LARGE1: variants seen among roughly 807,000 people sequenced by gnomAD.
LARGE1 encodes the protein xylosyl- and glucuronyltransferase LARGE1.
In LARGE1, 43 loss-of-function variants were observed where a neutral mutation model predicts 87.6. The ratio of observed to expected loss-of-function variants is 0.49; its 90% CI spans 0.38 to 0.63. The LOEUF (loss-of-function observed/expected upper bound fraction) is 0.63, where lower values mean the gene tolerates loss of function less well. Ranked by LOEUF, LARGE1 falls within the 30% of genes least tolerant of loss-of-function variation. LARGE1 has a pLI of 0.00. For missense variants in LARGE1, 802 were observed against 1,000.2 expected (o/e 0.80, Z 2.67); for synonymous variants, 434 against 394.6 (o/e 1.10, Z -1.18).
intron 1 of LARGE1, among the ~76,000 whole-genome samples, chr22:33,776,463 C>T (rs1276418009): frequency 1.3e-5 from 2 of 152,206 alleles, no homozygotes; most frequent in Non-Finnish European, 2.9e-5. Context: ...TGAGGATATA[C>T]ATTCTTCCCA....
At chr22:33,231,074 T>G (rs1925980990) in intron 11 of LARGE1, among the ~76,000 whole-genome samples, 1 of 152,220 alleles carries the variant, frequency 6.6e-6, no homozygotes, top group African/African-American at 2.4e-5. Flanking sequence ...TGGTAAATAT[T>G]GGTTGTTTGT....
chr22:33,379,312 G>A (rs917555903), intron 9 of LARGE1, among the ~76,000 whole-genome samples: 4 of 148,236 alleles, frequency 2.7e-5, no homozygotes, highest in African/African-American at 1.0e-4. Context: ...TGTGCACAAC[G>A]TGCAGGTTTG....
chr22:33,849,592 CTTTTTTTT>C (rs71187287), intron 1 of LARGE1, among the ~76,000 whole-genome samples: 5 of 88,590 alleles, frequency 5.6e-5, no homozygotes, highest in East Asian at 3.1e-4. Flanking sequence ...CTTTTCTTCT[CTTTTTTTT>C]TTTTTTTTTT....
At chr22:33,474,459 G>C (rs959882538) in intron 6 of LARGE1, among the ~76,000 whole-genome samples, 6 of 152,154 alleles carry the variant, frequency 3.9e-5, no homozygotes, top group African/African-American at 1.4e-4. Flanking sequence ...CACTGTGCCC[G>C]GCCTAGTCTG....
chr22:33,549,957 C>A (rs926337949), intron 6 of LARGE1, among the ~76,000 whole-genome samples: 2 of 152,080 alleles, frequency 1.3e-5, no homozygotes, highest in Non-Finnish European at 1.5e-5. Context: ...GCATAGTATT[C>A]CATGGTGTAC....
intron 2 of LARGE1, among the ~76,000 whole-genome samples, chr22:33,695,350 C>T (rs1464595248): frequency 6.6e-6 from 1 of 152,142 alleles, no homozygotes; most frequent in African/African-American, 2.4e-5. Flanking sequence ...GTGATCCATC[C>T]ACCTTGGCCT....
At chr22:33,215,597 T>A (rs1925164344) in intron 11 of LARGE1, among the ~76,000 whole-genome samples, 1 of 152,230 alleles carries the variant, frequency 6.6e-6, no homozygotes, top group East Asian at 1.9e-4. Context: ...AATAATCTCC[T>A]TTATGATTTG....
At chr22:33,325,330 A>C (rs1295504454) in intron 10 of LARGE1, among the ~76,000 whole-genome samples, 1 of 152,254 alleles carries the variant, frequency 6.6e-6, no homozygotes. Flanking sequence ...TCTGTGATAC[A>C]GCTCTGGCCA....
Position 33,556,526 on chromosome 22 carries a change from GGGAGGGAGGGAA to G in LARGE1, c.787+8310_787+8321del, listed in dbSNP as rs1281596215. On this transcript the variant is annotated intron_variant, in intron 6 of 14. Coordinates refer to ENST00000397394, the MANE Select transcript of LARGE1 (RefSeq NM_133642.5). ...AGGAAAGAAGGAAGGAAGGGAGGGA[GGGAGGGAGGGAA>G]GGAGGGAGGGAGGGAGGGAGGGAGG... is the stretch of plus-strand genomic sequence containing the variant. Among the ~76,000 whole-genome samples the G allele has an allele frequency of 4.2e-3, 352 of 83,236 alleles. 9 individuals carry two copies. The highest frequency in any genetic ancestry group is 0.011 in the African/African-American group (251 of 23,292). 54.6% of individuals were successfully genotyped at this position (83,236 alleles called of 152,430 possible). A position where few individuals can be genotyped will look rare whatever the true frequency, so the allele number is the denominator to read the frequency against.
chr22:33,240,847 G>T (rs945025646), intron 11 of LARGE1, among the ~76,000 whole-genome samples: 5 of 152,094 alleles, frequency 3.3e-5, no homozygotes, highest in African/African-American at 1.2e-4. Flanking sequence ...CTCAGTCTGT[G>T]TCTGAGCCCC....
intron 1 of LARGE1, among the ~76,000 whole-genome samples, chr22:33,824,464 G>A (rs1196623423): frequency 3.3e-5 from 5 of 152,232 alleles, no homozygotes; most frequent in African/African-American, 1.2e-4. Context: ...ACAGCAAGGG[G>A]GAAGTCCACC....
At chr22:33,263,924 C>T (rs1927784537) in intron 11 of LARGE1, among the ~76,000 whole-genome samples, 1 of 152,214 alleles carries the variant, frequency 6.6e-6, no homozygotes, top group African/African-American at 2.4e-5. Flanking sequence ...CTGCTACTTA[C>T]TGTTATGACT....
chr22:33,327,458 C>T (rs1487718273), intron 10 of LARGE1, among the ~76,000 whole-genome samples: 1 of 152,192 alleles, frequency 6.6e-6, no homozygotes, highest in African/African-American at 2.4e-5. Flanking sequence ...ACTTTAACCC[C>T]TTTAACTTTC....
At chr22:33,818,956 C>T (rs2086738373) in intron 1 of LARGE1, among the ~76,000 whole-genome samples, 1 of 152,190 alleles carries the variant, frequency 6.6e-6, no homozygotes, top group Non-Finnish European at 1.5e-5. Context: ...CTGCAGGCTA[C>T]ACCGCATTCC....
chr22:33,455,667 T>C lies in LARGE1; in HGVS notation c.788-23402A>G, dbSNP rs2068102872. ...TACTCGGGAGGCTGAGGCAGGAGAA[T>C]CGCTTGAACCCAGGAGGCGGAGGTT... On this transcript the variant is annotated intron_variant, in intron 6 of 14. Transcript: ENST00000397394. Among the ~76,000 whole-genome samples, 4 of 147,898 alleles carry C rather than the reference T, an allele frequency of 2.7e-5. No individual in the cohort carries two copies. The Admixed American group carries it at 2.8e-4, about 10-fold the overall frequency.
intron 2 of LARGE1, among the ~76,000 whole-genome samples, chr22:33,660,833 G>C (rs2081100818): frequency 6.6e-6 from 1 of 152,196 alleles, no homozygotes. Context: ...CACTCAAGAT[G>C]AAAGATTTCA....
chr22:33,400,337 A>G (rs904467633), intron 7 of LARGE1, among the ~76,000 whole-genome samples: 3 of 152,188 alleles, frequency 2.0e-5, no homozygotes, highest in African/African-American at 7.2e-5. Context: ...GCACAATGCA[A>G]TAATTGAAGA....
the LARGE1 span, among the ~76,000 whole-genome samples, chr22:33,111,922 G>C: frequency 1.3e-5 from 2 of 152,178 alleles, no homozygotes; most frequent in African/African-American, 4.8e-5. Context: ...ACAACTGAGG[G>C]AACAGACAGT....
At chr22:33,754,040 C>A (rs943956961) in intron 2 of LARGE1, among the ~76,000 whole-genome samples, 3 of 151,916 alleles carry the variant, frequency 2.0e-5, no homozygotes, top group African/African-American at 7.3e-5. Flanking sequence ...CCATCCTGGG[C>A]AATAGAGCAA....
Sources: allele counts gnomAD v4.1 joint callset (sites outside exome capture counted in the v4.1 genomes callset), GRCh38; gene constraint gnomAD v4.1.1; transcripts MANE v1.5; gene names NCBI Gene and HGNC (gene_info 2026-07-23, HGNC 2026-07-21).